Variants in MID1 observed in about 807,000 individuals in gnomAD.
MID1 encodes the protein midline 1, also known as E3 ubiquitin-protein ligase Midline-1.
MID1 carries 7 observed loss-of-function variants against 40.4 expected under a neutral mutation model. That is an observed-to-expected ratio of 0.17 (90% CI 0.10 to 0.33). The LOEUF is 0.33. Among genes scored for constraint, MID1 ranks in the 10% least tolerant of loss-of-function variants. MID1 has a pLI of 1.00. For synonymous variants in MID1, 229 were observed against 221.2 expected (o/e 1.04, Z -0.31); for missense variants, 367 against 558.5 (o/e 0.66, Z 3.46).
At chrX:10,639,765 G>C (rs916082053) in intron 1 of MID1, among the ~76,000 whole-genome samples, 4 of 111,703 alleles carry the variant, frequency 3.6e-5, no homozygotes, top group Non-Finnish European at 7.5e-5. Context: ...CAGCCAGAGA[G>C]AAAGGTCGGG....
chrX:10,482,964 T>C (rs1419507242), intron 4 of MID1, among the ~76,000 whole-genome samples: 1 of 112,602 alleles, frequency 8.9e-6, no homozygotes, highest in East Asian at 2.8e-4. Context: ...ACTGCAAGAC[T>C]GTAGGGAACC....
chrX:10,564,234 T>A (rs1260038435), intron 2 of MID1, among the ~76,000 whole-genome samples: 1 of 112,028 alleles, frequency 8.9e-6, no homozygotes, highest in Non-Finnish European at 1.9e-5. Flanking sequence ...AGAAATATAC[T>A]TCCTTGGTTT....
intron 2 of MID1, among the ~76,000 whole-genome samples, chrX:10,564,656 T>A (rs1171676296): frequency 8.9e-6 from 1 of 111,845 alleles, no homozygotes; most frequent in Admixed American, 9.5e-5. Flanking sequence ...AGTTTTGTTT[T>A]TATCACAAAG....
chrX:10,571,683 G>A (rs1247147242), intron 1 of MID1, among the ~76,000 whole-genome samples: 1 of 109,983 alleles, frequency 9.1e-6, no homozygotes, highest in Non-Finnish European at 1.9e-5. Flanking sequence ...GGAGGCTGAA[G>A]TGGGATAATC....
At chrX:10,747,981 T>G (rs763077736) in intron 1 of MID1, among the ~76,000 whole-genome samples, 230 of 111,689 alleles carry the variant, frequency 2.1e-3, no homozygotes, top group Middle Eastern at 0.018. Context: ...TTTCTTTTTT[T>G]TTTCTAGGCA....
intron 1 of MID1, among the ~76,000 whole-genome samples, chrX:10,656,079 A>G (rs1005722607): frequency 2.5e-4 from 28 of 112,420 alleles, no homozygotes; most frequent in African/African-American, 8.1e-4. Context: ...CACACACTAC[A>G]CACACTTTAT....
intron 1 of MID1, among the ~76,000 whole-genome samples, chrX:10,597,934 T>C (rs1421187850): frequency 9.0e-6 from 1 of 111,650 alleles, no homozygotes; most frequent in Non-Finnish European, 1.9e-5. Flanking sequence ...AAAGACTCCT[T>C]GGGGTCTGGG....
chrX:10,701,494 C>T (rs2043193931), intron 1 of MID1, among the ~76,000 whole-genome samples: 1 of 111,616 alleles, frequency 9.0e-6, no homozygotes, highest in African/African-American at 3.3e-5. Context: ...AAATGAGAAA[C>T]GGAGCACTTG....
intron 1 of MID1, among the ~76,000 whole-genome samples, chrX:10,689,985 GA>G (rs759170888): frequency 1.8e-4 from 16 of 89,076 alleles, no homozygotes; most frequent in Non-Finnish European, 2.1e-5. Context: ...GGAGTGTCCA[GA>G]AAACAGGAAA....
chrX:10,570,418 A>G (rs1360525372), intron 1 of MID1, among the ~76,000 whole-genome samples: 1 of 112,066 alleles, frequency 8.9e-6, no homozygotes, highest in African/African-American at 3.2e-5. Context: ...TAGTTTGTTT[A>G]TTGCTCCTTC....
rs137894102 is a variant in MID1, at chrX:10,542,975, A to G, written c.661-19788T>C. On this transcript the variant is annotated intron_variant, in intron 2 of 9. Transcript: ENST00000317552. ...TTCCTCATGACACATTCCCTGGTAT[A>G]TAAGTGCTCACAATAATATCCACGT... is the stretch of plus-strand genomic sequence containing the variant. Among the ~76,000 whole-genome samples the G allele has an allele frequency of 9.3e-3, 1,043 of 112,645 alleles. 12 individuals are homozygous for G. The highest frequency in any genetic ancestry group is 0.032 in the African/African-American group (999 of 31,028).
intron 1 of MID1, among the ~76,000 whole-genome samples, chrX:10,636,911 T>TGTGTGC (rs752722539): frequency 9.7e-6 from 1 of 102,780 alleles, no homozygotes; most frequent in African/African-American, 3.6e-5. Context: ...TGTGTGTGTG[T>TGTGTGC]GCATGTGTGC....
chrX:10,686,842 C>G (rs1057263211), intron 1 of MID1, among the ~76,000 whole-genome samples: 2 of 111,855 alleles, frequency 1.8e-5, no homozygotes. Flanking sequence ...ATGGTTGTGT[C>G]TTTATGTCCC....
chrX:10,769,115 ATTAC>A (rs1437231266), intron 1 of MID1, among the ~76,000 whole-genome samples: 1 of 111,914 alleles, frequency 8.9e-6, no homozygotes, highest in Admixed American at 9.5e-5. Context: ...AAAGAGGCAT[ATTAC>A]TTTACTTTTT....
chrX:10,578,420 T>G (rs1405693966), intron 1 of MID1, among the ~76,000 whole-genome samples: 1 of 111,873 alleles, frequency 8.9e-6, no homozygotes, highest in Non-Finnish European at 1.9e-5. Flanking sequence ...CATCTGAAGT[T>G]GAAACATCAG....
At chrX:10,639,922 A>G (rs1366222931) in intron 1 of MID1, among the ~76,000 whole-genome samples, 1 of 111,687 alleles carries the variant, frequency 9.0e-6, no homozygotes, top group African/African-American at 3.3e-5. Flanking sequence ...ACTAAGCTTC[A>G]TAAGTGAAGG....
intron 2 of MID1, among the ~76,000 whole-genome samples, chrX:10,542,328 T>C (rs1049134440): frequency 1.8e-5 from 2 of 111,621 alleles, no homozygotes; most frequent in African/African-American, 3.3e-5. Context: ...CTAGTGTATA[T>C]AGTGTCTCCA....
chrX:10,768,180 T>C (rs2043743901), intron 1 of MID1, among the ~76,000 whole-genome samples: 1 of 111,085 alleles, frequency 9.0e-6, no homozygotes, highest in Non-Finnish European at 1.9e-5. Context: ...GTATTATTAA[T>C]ATAAGCAGAA....
intron 1 of MID1, among the ~76,000 whole-genome samples, chrX:10,680,482 A>G (rs1312968357): frequency 8.9e-6 from 1 of 111,912 alleles, no homozygotes; most frequent in East Asian, 2.8e-4. Flanking sequence ...TAAAAGCCAG[A>G]ACTTCTTTAT....
Sources: allele counts gnomAD v4.1 joint callset (sites outside exome capture counted in the v4.1 genomes callset), GRCh38; gene constraint gnomAD v4.1.1; transcripts MANE v1.5; gene names NCBI Gene and HGNC (gene_info 2026-07-23, HGNC 2026-07-21).